SPIDR: variants seen among roughly 807,000 people sequenced by gnomAD.
The protein encoded by SPIDR is scaffold protein involved in DNA repair.
A neutral mutation model predicts 104.6 loss-of-function variants in SPIDR; 93 were observed. The ratio of observed to expected loss-of-function variants is 0.89; its 90% CI spans 0.75 to 1.06. The LOEUF is 1.06. Ranked by LOEUF, SPIDR falls within the 50% of genes least tolerant of loss-of-function variation. SPIDR has a pLI of 0.00. For synonymous variants in SPIDR, 431 were observed against 416.9 expected (o/e 1.03, Z -0.41); for missense variants, 1,154 against 1,111.2 (o/e 1.04, Z -0.55).
At chr8:47,599,959 T>C (rs186711364) in intron 10 of SPIDR, among the ~76,000 whole-genome samples, 50 of 152,308 alleles carry the variant, frequency 3.3e-4, no homozygotes, top group African/African-American at 1.1e-3. Context: ...GGTTTTGCTA[T>C]GTTGGCCAGG....
At chr8:47,488,223 C>G (rs1430435163) in intron 8 of SPIDR, among the ~76,000 whole-genome samples, 1 of 152,164 alleles carries the variant, frequency 6.6e-6, no homozygotes, top group Non-Finnish European at 1.5e-5. Flanking sequence ...ACTATAAACA[C>G]CTCTACGCAA....
At chr8:47,625,495 T>C (rs373576000) in intron 10 of SPIDR, among the ~76,000 whole-genome samples, 3 of 152,114 alleles carry the variant, frequency 2.0e-5, no homozygotes, top group Admixed American at 6.6e-5. Flanking sequence ...ACCCCATTGT[T>C]TCAGCCCAAA....
chr8:47,578,880 A>C (rs1185048044), intron 8 of SPIDR, among the ~76,000 whole-genome samples: 1 of 152,328 alleles, frequency 6.6e-6, no homozygotes, highest in East Asian at 1.9e-4. Flanking sequence ...TCAGTTTCTT[A>C]GTTATATGTA....
intron 5 of SPIDR, among the ~76,000 whole-genome samples, chr8:47,393,175 A>G (rs953098626): frequency 6.6e-6 from 1 of 152,248 alleles, no homozygotes; most frequent in Non-Finnish European, 1.5e-5. Context: ...CCATAGGCAC[A>G]CAACATTCAC....
At chr8:47,523,079 C>T (rs963834033) in intron 8 of SPIDR, among the ~76,000 whole-genome samples, 2 of 152,110 alleles carry the variant, frequency 1.3e-5, no homozygotes, top group African/African-American at 2.4e-5. Flanking sequence ...CAGCTCACTG[C>T]AGCCTCGACC....
chr8:47,640,841 C>CTTTATT (rs2068791058), intron 10 of SPIDR, among the ~76,000 whole-genome samples: 1 of 41,306 alleles, frequency 2.4e-5, no homozygotes, highest in Non-Finnish European at 4.1e-5. Flanking sequence ...CCACACCCAG[C>CTTTATT]TTTTTTTTTT....
At chr8:47,438,932 T>C (rs2068864018) in intron 7 of SPIDR, among the ~76,000 whole-genome samples, 1 of 152,234 alleles carries the variant, frequency 6.6e-6, no homozygotes, top group Non-Finnish European at 1.5e-5. Context: ...CGTCTAAATA[T>C]TAATTTTTAC....
intron 1 of SPIDR, among the ~76,000 whole-genome samples, chr8:47,266,119 GTTTC>G (rs1554546492): frequency 1.4e-5 from 2 of 146,852 alleles, no homozygotes; most frequent in East Asian, 2.0e-4. Flanking sequence ...CATATCAGTA[GTTTC>G]TTTGTCTTTT....
chr8:47,702,038 C>CA (rs980624105), intron 14 of SPIDR, 23 bp downstream of exon 14: 1 of 1,583,742 alleles, frequency 6.3e-7, no homozygotes, highest in African/African-American at 1.4e-5. Context: ...CTCAATCTCT[C>CA]AATCTCTCAG....
At chr8:47,416,531 G>A (rs1230088001) in intron 7 of SPIDR, among the ~76,000 whole-genome samples, 2 of 152,038 alleles carry the variant, frequency 1.3e-5, no homozygotes, top group Non-Finnish European at 2.9e-5. Context: ...ATTTTTCTGG[G>A]ATAAATGATC....
intron 10 of SPIDR, among the ~76,000 whole-genome samples, chr8:47,624,432 A>G (rs2065675132): frequency 6.6e-6 from 1 of 152,220 alleles, no homozygotes; most frequent in Admixed American, 6.5e-5. Context: ...CCTTCAAAAA[A>G]TTAATGAATC....
chr8:47,306,692 A>G (rs1254420398), intron 5 of SPIDR, among the ~76,000 whole-genome samples: 3 of 152,180 alleles, frequency 2.0e-5, no homozygotes, highest in Admixed American at 2.0e-4. Context: ...AAAGTAGGGT[A>G]TTGATTTAAT....
At chr8:47,576,973 G>A (rs1564379529) in intron 8 of SPIDR, among the ~76,000 whole-genome samples, 1 of 152,180 alleles carries the variant, frequency 6.6e-6, no homozygotes, top group South Asian at 2.1e-4. Context: ...TTTTCACCTG[G>A]AGAAAAATGT....
At chr8:47,647,858 G>T (rs185945126) in intron 10 of SPIDR, among the ~76,000 whole-genome samples, 1 of 152,154 alleles carries the variant, frequency 6.6e-6, no homozygotes, top group African/African-American at 2.4e-5. Context: ...ATCTCAGCAG[G>T]GAGATCTGGT....
chr8:47,511,025 T>A, intron 8 of SPIDR: 1 of 785,342 alleles, frequency 1.3e-6, no homozygotes, highest in Non-Finnish European at 2.3e-6. Flanking sequence ...GGCAGCTGCC[T>A]GGGCAGTTAG....
At chr8:47,528,989 G>A (rs1222480740) in intron 8 of SPIDR, among the ~76,000 whole-genome samples, 1 of 152,178 alleles carries the variant, frequency 6.6e-6, no homozygotes, top group African/African-American at 2.4e-5. Context: ...TACTTAACCT[G>A]CAGAAAATTA....
At chr8:47,557,916 G>A (rs1350598501) in intron 8 of SPIDR, among the ~76,000 whole-genome samples, 1 of 152,166 alleles carries the variant, frequency 6.6e-6, no homozygotes, top group Non-Finnish European at 1.5e-5. Context: ...GTGCCCTATA[G>A]CAGTGGACTA....
chr8:47,681,916 G>A (rs2077140284), intron 11 of SPIDR, among the ~76,000 whole-genome samples: 2 of 152,178 alleles, frequency 1.3e-5, no homozygotes, highest in East Asian at 3.9e-4. Context: ...ATACTTCCAA[G>A]TTTTAGTTTC....
At chr8:47,511,250 G>A in intron 8 of SPIDR, 2 of 1,586,766 alleles carry the variant, frequency 1.3e-6, no homozygotes, top group Non-Finnish European at 1.7e-6. Context: ...AGCCGAATTT[G>A]GATGTTTGTG....
Sources: allele counts gnomAD v4.1 joint callset (sites outside exome capture counted in the v4.1 genomes callset), GRCh38; gene constraint gnomAD v4.1.1; transcripts MANE v1.5; gene names NCBI Gene and HGNC (gene_info 2026-07-23, HGNC 2026-07-21).